The following MCPH1 variants were observed in gnomAD, a reference collection of about 807,000 sequenced individuals.
The protein encoded by MCPH1 is microcephalin.
Under a neutral mutation model 84.5 loss-of-function variants are expected in MCPH1, and 104 were observed. The observed-to-expected ratio is 1.23, with a 90% confidence interval of 1.05 to 1.45. The LOEUF is 1.45. Among genes scored for constraint, MCPH1 ranks in the 40% most tolerant of loss-of-function variants. The probability of loss-of-function intolerance (pLI) is 0.00; values close to 1 mark genes in which losing one functional copy is unlikely to be tolerated. For synonymous variants in MCPH1, 514 were observed against 366.8 expected, an observed-to-expected ratio of 1.40 and a Z score of -4.58; for missense variants, 1,498 against 1,005.7, an observed-to-expected ratio of 1.49 and a Z score of -6.62.
Position 6,414,817 on chromosome 8 carries a change from A to G in MCPH1, c.167A>G (p.Tyr56Cys), listed in dbSNP as rs759874234. 4.3e-6 allele frequency: 7 copies of G among 1,613,908 alleles called. No homozygotes were observed. In the South Asian group the frequency reaches 5.5e-5, roughly 13 times the overall value. The change falls in exon 3 of 14, where the codon TAC (tyrosine) becomes TGC (cysteine). Residue 56 changes from tyrosine to cysteine, a missense_variant. Transcript: ENST00000344683. ...ACTCACGTTATCTTCAAAGATGGCT[A>G]CCAGAGCACTTGGGACAAAGCTCAG... ...QVTHVIFKDG[Y>C]QSTWDKAQKR...
chr8:6,502,995 G>A (rs1269883286), intron 12 of MCPH1: 7 of 1,354,450 alleles, frequency 5.2e-6, no homozygotes, highest in African/African-American at 1.4e-5. Context: ...CCGAGCACAC[G>A]CCCTCTGTGG....
chr8:6,630,913 T>C (rs1797113689), intron 13 of MCPH1, among the ~76,000 whole-genome samples: 2 of 152,120 alleles, frequency 1.3e-5, no homozygotes, highest in Admixed American at 1.3e-4. Context: ...AAGGCACCTG[T>C]ACATGGGAAT....
chr8:6,422,896 G>C (rs1800440167), intron 3 of MCPH1, among the ~76,000 whole-genome samples: 1 of 151,808 alleles, frequency 6.6e-6, no homozygotes, highest in Admixed American at 6.6e-5. Flanking sequence ...CACTGTGTTA[G>C]CCAGGATGGT....
At chr8:6,516,443 T>G (rs181428921) in intron 12 of MCPH1, among the ~76,000 whole-genome samples, 12 of 152,062 alleles carry the variant, frequency 7.9e-5, no homozygotes, top group Admixed American at 7.9e-4. Context: ...TCCTGTTATG[T>G]TTTTTTTCCA....
In MCPH1 at chr8:6,431,486, T is replaced by A. The variant is rs1301985746; in HGVS notation, c.234-13T>A. 5 of 1,606,880 alleles carry A rather than the reference T, an allele frequency of 3.1e-6. No homozygotes were observed. The highest frequency in any genetic ancestry group is 4.3e-6 in the Non-Finnish European group (5 of 1,173,658). ...GCAAATACTCATTAGACTACCTTAA[T>A]TTAATTATACAGATGCAGGACAGCT... On this transcript the variant is annotated splice_polypyrimidine_tract_variant and intron_variant, in intron 3 of 13. Coordinates refer to ENST00000344683, the MANE Select transcript of MCPH1 (RefSeq NM_024596.5).
At chr8:6,575,276 G>C (rs1826977379) in intron 12 of MCPH1, among the ~76,000 whole-genome samples, 1 of 152,196 alleles carries the variant, frequency 6.6e-6, no homozygotes, top group Non-Finnish European at 1.5e-5. Flanking sequence ...AGGTGAAGAA[G>C]AACAGCTGTA....
At chr8:6,630,072 G>A (rs532698695) in intron 13 of MCPH1, among the ~76,000 whole-genome samples, 7 of 152,222 alleles carry the variant, frequency 4.6e-5, no homozygotes, top group Non-Finnish European at 1.0e-4. Context: ...CTTAAATGTT[G>A]GTGCTTGAAA....
intron 8 of MCPH1, among the ~76,000 whole-genome samples, chr8:6,452,711 T>C (rs1236124318): frequency 6.6e-6 from 1 of 152,248 alleles, no homozygotes; most frequent in Admixed American, 6.5e-5. Flanking sequence ...CTCTCTGCCA[T>C]GTGAAGACAG....
intron 2 of MCPH1, among the ~76,000 whole-genome samples, chr8:6,411,088 T>A (rs773174022): frequency 1.3e-5 from 2 of 151,926 alleles, no homozygotes; most frequent in Non-Finnish European, 1.5e-5. Flanking sequence ...AGATTCTGTC[T>A]CCAAAAACCA....
chr8:6,616,103 T>G (rs373086437), intron 12 of MCPH1: 2 of 152,304 alleles, frequency 1.3e-5, no homozygotes, highest in East Asian at 3.9e-4. Context: ...CTAAGGTGAC[T>G]TGACTGTAAG....
At chr8:6,642,209 C>A (rs1230156611) in intron 13 of MCPH1, among the ~76,000 whole-genome samples, 1 of 152,076 alleles carries the variant, frequency 6.6e-6, no homozygotes, top group African/African-American at 2.4e-5. Context: ...TCTTTAATTG[C>A]AATTGATTTA....
At chr8:6,419,610 G>C (rs1245173945) in intron 3 of MCPH1, among the ~76,000 whole-genome samples, 1 of 150,138 alleles carries the variant, frequency 6.7e-6, no homozygotes, top group East Asian at 2.0e-4. Flanking sequence ...TACCGTGTTA[G>C]CCAGGATGGT....
chr8:6,509,059 A>G (rs1283127220), intron 12 of MCPH1: 2 of 1,613,844 alleles, frequency 1.2e-6, no homozygotes, highest in Admixed American at 3.3e-5. Flanking sequence ...CTTTAAGGTG[A>G]ATCCTGTAAG....
intron 13 of MCPH1, among the ~76,000 whole-genome samples, chr8:6,638,142 C>T (rs1406894938): frequency 1.4e-5 from 2 of 145,478 alleles, no homozygotes; most frequent in South Asian, 2.5e-4. Flanking sequence ...GCTCTGGGCT[C>T]ATTATGAGAA....
At chr8:6,406,743 C>T in intron 1 of MCPH1, 54 bp downstream of exon 1, 2 of 1,599,518 alleles carry the variant, frequency 1.3e-6, no homozygotes, top group South Asian at 2.2e-5. Flanking sequence ...GACCGGCACC[C>T]CTCGTCGCGG....
intron 8 of MCPH1, among the ~76,000 whole-genome samples, chr8:6,451,471 G>A (rs1180145423): frequency 1.3e-5 from 2 of 152,120 alleles, no homozygotes; most frequent in Non-Finnish European, 2.9e-5. Flanking sequence ...AAAAGTCAGA[G>A]CAATTACTTT....
chr8:6,513,790 G>C lies in MCPH1; in HGVS notation c.2214+13861G>C, dbSNP rs752142320. 3 of 1,614,000 alleles carry C rather than the reference G, an allele frequency of 1.9e-6. No homozygotes were observed. Among genetic ancestry groups the C allele is most frequent in the South Asian group, 2.2e-5 (2 of 90,990 alleles). On this transcript the variant is annotated intron_variant, in intron 12 of 13. Coordinates refer to ENST00000344683, the MANE Select transcript of MCPH1 (RefSeq NM_024596.5). ...AGCACATAGCGTTGCTGATTAGTCA[G>C]TTGCGAAACAAACTCATTTCCCAGC...
chr8:6,519,874 T>G, intron 12 of MCPH1: 9 of 1,614,042 alleles, frequency 5.6e-6, no homozygotes, highest in Non-Finnish European at 7.6e-6. Flanking sequence ...CTTGATCTCT[T>G]CTGTAGAATT....
At chr8:6,454,342 A>AC (rs1805442380) in intron 8 of MCPH1, among the ~76,000 whole-genome samples, 1 of 152,056 alleles carries the variant, frequency 6.6e-6, no homozygotes, top group Admixed American at 6.6e-5. Context: ...AGGTTCTAGT[A>AC]CCCCCTAGGC....
Sources: gnomAD v4.1 joint callset for allele counts (sites outside exome capture counted in the v4.1 genomes callset) on GRCh38, gnomAD v4.1.1 for gene constraint, MANE v1.5 for transcripts, NCBI Gene and HGNC (gene_info 2026-07-23, HGNC 2026-07-21) for gene names.